The following VCAM1 variants were observed in gnomAD, a reference collection of about 807,000 sequenced individuals.
VCAM1 encodes vascular cell adhesion protein 1.
Under a neutral mutation model 63.8 loss-of-function variants are expected in VCAM1, and 41 were observed. That is an observed-to-expected ratio of 0.64 (90% CI 0.50 to 0.83). VCAM1 has a LOEUF of 0.83. VCAM1 is among the 40% of genes least tolerant of loss of function. The pLI, the probability that VCAM1 is intolerant of heterozygous loss-of-function variation, is 0.00. For missense variants in VCAM1, 798 were observed against 875.5 expected, an observed-to-expected ratio of 0.91 and a Z score of 1.12; for synonymous variants, 338 against 320.7, an observed-to-expected ratio of 1.05 and a Z score of -0.58.
In VCAM1 at chr1:100,738,457, C is replaced by T; in HGVS notation, c.*174C>T. 1 of 624,572 alleles carries T rather than the reference C, an allele frequency of 1.6e-6. No homozygotes were observed. Among genetic ancestry groups the T allele is most frequent in the Non-Finnish European group, 2.5e-6 (1 of 393,666 alleles). 38.7% of individuals were successfully genotyped at this position (624,572 alleles called of 1,614,324 possible). On this transcript the variant is annotated 3_prime_UTR_variant, in exon 9 of 9. Coordinates refer to ENST00000294728, the MANE Select transcript of VCAM1 (RefSeq NM_001078.4). ...CTGTGAGCAAGAAGTCAAAGTAAAA[C>T]TTGCTGCCTGAAGAACAGTAACTGC...
At chr1:100,725,533 A>C (rs1660132344) in intron 4 of VCAM1, among the ~76,000 whole-genome samples, 1 of 152,024 alleles carries the variant, frequency 6.6e-6, no homozygotes, top group South Asian at 2.1e-4. Context: ...ATTAATAATG[A>C]CACCACCTAT....
Position 100,723,001 on chromosome 1 carries a change from ATTTG to A in VCAM1, c.341-14_341-11del, listed in dbSNP as rs763121035. On this transcript the variant is annotated splice_polypyrimidine_tract_variant and intron_variant, in intron 2 of 8. Transcript: ENST00000294728. ...ACATTAGCAAAAAGCCCATCCATGT[ATTTG>A]TTTGGCCTTTTCAGCTTTTCCTAAG... The A allele has an allele frequency of 5.1e-5, 82 of 1,595,858 alleles. No homozygotes were observed. In the South Asian group the frequency reaches 8.0e-4, roughly 16 times the overall value.
At chr1:100,732,863 T>G (rs1263291662) in intron 7 of VCAM1, among the ~76,000 whole-genome samples, 179 bp downstream of exon 7, 2 of 152,228 alleles carry the variant, frequency 1.3e-5, no homozygotes, top group African/African-American at 4.8e-5. Context: ...TTCTCATGAA[T>G]TGTTACAAGT....
At chr1:100,725,543 T>A (rs1352168336) in intron 4 of VCAM1, among the ~76,000 whole-genome samples, 5 of 152,066 alleles carry the variant, frequency 3.3e-5, no homozygotes, top group Non-Finnish European at 1.5e-5. Context: ...ACACCACCTA[T>A]TGATTGTACA....
chr1:100,737,781 C>T (rs1375799085), intron 8 of VCAM1: 5 of 168,890 alleles, frequency 3.0e-5, no homozygotes, highest in Non-Finnish European at 6.3e-5. Flanking sequence ...CAAGCAAGTG[C>T]CTCTCTCCAA....
Position 100,719,847 on chromosome 1 carries a change from G to C in VCAM1, c.-14G>C, listed in dbSNP as rs3783610. The C allele has an allele frequency of 1.3e-3, 2,149 of 1,610,230 alleles. 32 individuals are homozygous for C. In the African/African-American group the frequency reaches 0.026, roughly 19 times the overall value. On this transcript the variant is annotated 5_prime_UTR_variant, in exon 1 of 9. Transcript: ENST00000294728. Reference sequence around the variant, plus strand: ...TTTGGAACCACTATTTTCTCATCACGACAGCAACTTAAAATGCCTGGGAAG... The same window carrying C: ...TTTGGAACCACTATTTTCTCATCACCACAGCAACTTAAAATGCCTGGGAAG...
intron 2 of VCAM1, 57 bp downstream of exon 2, chr1:100,720,808 TA>T: frequency 6.6e-7 from 1 of 1,524,642 alleles, no homozygotes; most frequent in Non-Finnish European, 8.8e-7. Context: ...AATCACTTTT[TA>T]AAAATGATAT....
intron 7 of VCAM1, 81 bp from the exon 8 acceptor site, chr1:100,734,421 C>T: frequency 6.9e-7 from 1 of 1,441,720 alleles, no homozygotes. Context: ...TCCAGGGAAG[C>T]TATTGTTGAT....
chr1:100,734,762 G>A lies in VCAM1; in HGVS notation c.2053G>A (p.Val685Ile), dbSNP rs1430894122. ...ACAATTAAGAAGTTTAACACTTGAT[G>A]TTCAAGGTGAGTTTGTTTTGAGTTT... ...GSQLRSLTLD[V>I]QGRENNKDYF... The change falls in exon 8 of 9, where the codon GTT becomes ATT. Residue 685 changes from valine to isoleucine, a missense_variant. Coordinates refer to ENST00000294728, the MANE Select transcript of VCAM1 (RefSeq NM_001078.4). The A allele has an allele frequency of 1.2e-6, 2 of 1,613,012 alleles. No homozygotes were observed. Among genetic ancestry groups the A allele is most frequent in the South Asian group, 1.1e-5 (1 of 90,910 alleles).
chr1:100,722,281 C>T (rs1659980814), intron 2 of VCAM1, among the ~76,000 whole-genome samples: 1 of 152,034 alleles, frequency 6.6e-6, no homozygotes, highest in South Asian at 2.1e-4. Context: ...GTGAGTTAGG[C>T]ATTTCAGGAG....
chr1:100,720,802 A>G (rs1401385042), intron 2 of VCAM1, 51 bp downstream of exon 2: 2 of 1,534,492 alleles, frequency 1.3e-6, no homozygotes, highest in Non-Finnish European at 1.8e-6. Context: ...CTTTAAAATC[A>G]CTTTTTAAAA....
chr1:100,731,448 T>A lies in VCAM1; in HGVS notation c.1455T>A (p.Ala485=), dbSNP rs773176059. 1 of 1,613,764 alleles carries A rather than the reference T, an allele frequency of 6.2e-7. No homozygotes were observed. The highest frequency in any genetic ancestry group is 8.5e-7 in the Non-Finnish European group (1 of 1,179,828). Residue 485 remains alanine (A), a synonymous_variant, in exon 6 of 9, where the codon GCT becomes GCA. Coordinates refer to ENST00000294728, the MANE Select transcript of VCAM1 (RefSeq NM_001078.4). This position sits in a 1 kb window ranked among gnomAD's most constrained non-coding sequence, Gnocchi z 4.2. ...CTGGAAAAGCTCTTGTTTGTCAGGC[T>A]AAGTTACATATTGATGACATGGAAT... ...EDTGKALVCQ[A]KLHIDDMEFE...
intron 3 of VCAM1, among the ~76,000 whole-genome samples, chr1:100,724,059 A>AT (rs1314853790): frequency 6.6e-6 from 1 of 152,092 alleles, no homozygotes; most frequent in Non-Finnish European, 1.5e-5. Context: ...GATAGAGGAT[A>AT]TTTTTCTGAA....
At chr1:100,724,044 G>C (rs1354879023) in intron 3 of VCAM1, among the ~76,000 whole-genome samples, 1 of 152,030 alleles carries the variant, frequency 6.6e-6, no homozygotes, top group African/African-American at 2.4e-5. Flanking sequence ...GAGAAGAATA[G>C]TCAAGATAGA....
intron 7 of VCAM1, among the ~76,000 whole-genome samples, chr1:100,733,329 C>T (rs934766653): frequency 3.3e-5 from 5 of 152,280 alleles, no homozygotes. Context: ...TGTGGATTTC[C>T]TCTATCCCAT....
chr1:100,733,328 C>T (rs550154161), intron 7 of VCAM1, among the ~76,000 whole-genome samples: 1 of 152,288 alleles, frequency 6.6e-6, no homozygotes, highest in East Asian at 1.9e-4. Context: ...ATGTGGATTT[C>T]CTCTATCCCA....
chr1:100,720,157 T>C (rs1659907585), intron 1 of VCAM1, among the ~76,000 whole-genome samples: 1 of 152,128 alleles, frequency 6.6e-6, no homozygotes, highest in Non-Finnish European at 1.5e-5. Flanking sequence ...CAAAGGCAAT[T>C]GAGTAATTTG....
chr1:100,728,957 G>A, intron 4 of VCAM1, 150 bp from the exon 5 acceptor site: 1 of 871,248 alleles, frequency 1.1e-6, no homozygotes, highest in Non-Finnish European at 1.6e-6. Flanking sequence ...GCTCATTTCT[G>A]ATGGTCCCAA....
rs575106191 is a variant in VCAM1, at chr1:100,729,494, G to T, written c.1204+112G>T. Reference sequence around the variant, plus strand: ...TCCTTATGTTTAGAAAAGGAATTTAGCCTTGTGAATTTTGTTCCTAAATCT... The same window carrying T: ...TCCTTATGTTTAGAAAAGGAATTTATCCTTGTGAATTTTGTTCCTAAATCT... On this transcript the variant is annotated intron_variant, in intron 5 of 8. Transcript: ENST00000294728. 2,397 of 1,344,274 alleles carry T rather than the reference G, an allele frequency of 1.8e-3. 5 individuals are homozygous for T. Among genetic ancestry groups the T allele is most frequent in the Non-Finnish European group, 2.1e-3 (2,089 of 1,006,290 alleles). 83.3% of individuals were successfully genotyped at this position (1,344,274 alleles called of 1,614,324 possible).
Sources: allele counts gnomAD v4.1 joint callset (sites outside exome capture counted in the v4.1 genomes callset), GRCh38; gene constraint gnomAD v4.1.1; non-coding constraint Gnocchi (gnomAD v3.1); transcripts MANE v1.5; gene names NCBI Gene and HGNC (gene_info 2026-07-23, HGNC 2026-07-21).